The following NCOR2 variants were observed in gnomAD, a reference collection of about 807,000 sequenced individuals.
NCOR2 encodes nuclear receptor corepressor 2.
A neutral mutation model predicts 262.9 loss-of-function variants in NCOR2; 81 were observed. The observed-to-expected ratio is 0.31, with a 90% CI of 0.26 to 0.37. NCOR2 has a LOEUF of 0.37. NCOR2 is among the 10% of genes least tolerant of loss of function. The pLI is 1.00. For synonymous variants in NCOR2, 1,659 were observed against 1,559.3 expected (o/e 1.06, Z -1.51); for missense variants, 3,385 against 3,621.4 (o/e 0.93, Z 1.68).
At chr12:124,400,738 G>T in intron 14 of NCOR2, 65 bp from the exon 17 acceptor site, 1 of 1,578,290 alleles carries the variant, frequency 6.3e-7, no homozygotes, top group African/African-American at 1.4e-5. Context: ...AGCCACTGGA[G>T]GAGACTGTTT....
chr12:124,506,535 G>GCAGGACGAACCCTCCCTGCACTC (rs2049049126), intron 1 of NCOR2, among the ~76,000 whole-genome samples: 1 of 151,088 alleles, frequency 6.6e-6, no homozygotes, highest in Non-Finnish European at 1.5e-5. Flanking sequence ...ATAAACCACA[G>GCAGGACGAACCCTCCCTGCACTC]CAGGACGAAC....
chr12:124,411,798 C>T (rs764980540), intron 13 of NCOR2, among the ~76,000 whole-genome samples: 8 of 152,248 alleles, frequency 5.3e-5, no homozygotes, highest in Non-Finnish European at 1.2e-4. Flanking sequence ...AGAGAGGATG[C>T]TCGGGCCTCA....
intron 20 of NCOR2, among the ~76,000 whole-genome samples, chr12:124,366,142 C>G (rs1205701821): frequency 6.6e-6 from 1 of 152,178 alleles, no homozygotes; most frequent in Non-Finnish European, 1.5e-5. Context: ...CACGTGCCCA[C>G]CACTGCAGCA....
chr12:124,489,742 T>C (rs2047978670), intron 1 of NCOR2, among the ~76,000 whole-genome samples: 1 of 152,126 alleles, frequency 6.6e-6, no homozygotes, highest in African/African-American at 2.4e-5. Flanking sequence ...GAAAAAGCCA[T>C]TCATCCAGGA....
chr12:124,480,780 T>A (rs147750957), intron 3 of NCOR2, among the ~76,000 whole-genome samples: 1,400 of 136,390 alleles, frequency 0.01, 21 homozygotes, highest in African/African-American at 0.035. Context: ...AAGGGCTGAC[T>A]GGGCTCACAG....
intron 3 of NCOR2, among the ~76,000 whole-genome samples, chr12:124,479,337 AAC>A (rs558338761): frequency 3.6e-4 from 54 of 150,860 alleles, no homozygotes; most frequent in South Asian, 2.9e-3. Flanking sequence ...TGCGCACACA[AAC>A]ACACATACAC....
At chr12:124,413,274 C>T (rs1408788348) in intron 13 of NCOR2, among the ~76,000 whole-genome samples, 1 of 152,208 alleles carries the variant, frequency 6.6e-6, no homozygotes, top group Non-Finnish European at 1.5e-5. Flanking sequence ...CCTGTGTCCA[C>T]CTCTGCAGCG....
chr12:124,335,478 C>A lies in NCOR2; in HGVS notation c.6265+5G>T. On this transcript the variant is annotated splice_donor_5th_base_variant and intron_variant, in intron 39 of 46. Coordinates refer to ENST00000405201, the Ensembl canonical transcript of NCOR2. ...TCGGGGGCCTGGGTACTGGGTGGGG[C>A]GTACCTGGCTGCTTGGGCCGCAGCT... 2 of 1,603,208 alleles carry A rather than the reference C, an allele frequency of 1.2e-6. No individual in the cohort carries two copies. Among genetic ancestry groups the A allele is most frequent in the Non-Finnish European group, 1.7e-6 (2 of 1,178,410 alleles).
chr12:124,564,329 G>C (rs1489522461), intron 1 of NCOR2, among the ~76,000 whole-genome samples: 1 of 152,166 alleles, frequency 6.6e-6, no homozygotes, highest in Non-Finnish European at 1.5e-5. Flanking sequence ...CTCTCCCCAG[G>C]CAGCAGCTCA....
chr12:124,465,017 C>T (rs2046349172), intron 5 of NCOR2, among the ~76,000 whole-genome samples: 1 of 152,144 alleles, frequency 6.6e-6, no homozygotes, highest in African/African-American at 2.4e-5. Context: ...GGAGGCATAG[C>T]CAAACAGGTT....
intron 22 of NCOR2, among the ~76,000 whole-genome samples, chr12:124,358,328 GATGT>G (rs2038179152): frequency 6.9e-6 from 1 of 145,060 alleles, no homozygotes; most frequent in Admixed American, 6.9e-5. Context: ...TGAGTGCATG[GATGT>G]GTGTGTGCCT....
In NCOR2 at chr12:124,327,374, G is replaced by T. The variant is rs780145963; in HGVS notation, c.7183+35C>A. On this transcript the variant is annotated intron_variant, in intron 45 of 46. Transcript: ENST00000405201. ...GAGGATTAATCACACCGGGGGTGGG[G>T]ACAGACGGGGGCGGGGCGGGGGTGG... 1.3e-5 allele frequency: 18 copies of T among 1,380,502 alleles called. No individual in the cohort carries two copies. The Admixed American group carries it at 3.7e-4, about 28-fold the overall frequency. The allele number at this position is 1,380,502 out of a possible 1,614,324, so 85.5% of individuals were successfully genotyped here. A position where few individuals can be genotyped will look rare whatever the true frequency, so the allele number is the denominator to read the frequency against.
chr12:124,344,852 CG>C lies in NCOR2; in HGVS notation c.4458del (p.Val1487CysfsTer6). ...TCGGCCATCACATCCAGCGGGTGCACGGGTGGGAACGTCCGGCCGGGGCTGC... is the reference window on the plus strand; with the variant it reads ...TCGGCCATCACATCCAGCGGGTGCACGGTGGGAACGTCCGGCCGGGGCTGC... On this transcript the variant is annotated frameshift_variant, in exon 32 of 47. Coordinates refer to ENST00000405201, the Ensembl canonical transcript of NCOR2. LOFTEE classifies it high-confidence loss of function. The C allele has an allele frequency of 6.4e-7, 1 of 1,570,134 alleles. No homozygotes were observed.
intron 13 of NCOR2, among the ~76,000 whole-genome samples, chr12:124,409,330 T>C (rs954059027): frequency 1.3e-5 from 2 of 152,222 alleles, no homozygotes; most frequent in African/African-American, 4.8e-5. Flanking sequence ...ATGGCCCGCA[T>C]GTTCCTGCTT....
At chr12:124,497,784 A>C (rs1426545345), upstream of NCOR2, among the ~76,000 whole-genome samples, 1 of 152,222 alleles carries the variant, frequency 6.6e-6, no homozygotes, top group African/African-American at 2.4e-5. This position sits in a 1 kb window ranked among gnomAD's most constrained non-coding sequence, Gnocchi z 4.2. Context: ...TGCTGTCACC[A>C]GGACTGTCAA....
intron 16 of NCOR2, among the ~76,000 whole-genome samples, chr12:124,394,530 C>T (rs187732076): frequency 2.0e-5 from 3 of 152,300 alleles, no homozygotes; most frequent in East Asian, 1.9e-4. Context: ...ATCAAGTCAA[C>T]GTGGGGTCAT....
intron 40 of NCOR2, 133 bp downstream of exon 42, chr12:124,335,002 C>G (rs1324954911): frequency 7.4e-6 from 10 of 1,354,274 alleles, no homozygotes; most frequent in Non-Finnish European, 8.3e-6. Flanking sequence ...GCCCTGGATC[C>G]CCCCAGCGCC....
At chr12:124,387,692 C>A (rs1387998287) in intron 16 of NCOR2, among the ~76,000 whole-genome samples, 1 of 152,226 alleles carries the variant, frequency 6.6e-6, no homozygotes, top group African/African-American at 2.4e-5. Flanking sequence ...GATCAAGTGG[C>A]ACCCGGCCCC....
intron 8 of NCOR2, among the ~76,000 whole-genome samples, chr12:124,435,310 T>A (rs2044270571): frequency 6.6e-6 from 1 of 152,240 alleles, no homozygotes; most frequent in Admixed American, 6.5e-5. Context: ...GGGTATCTCT[T>A]AACTTGATAA....
Sources: allele counts gnomAD v4.1 joint callset (sites outside exome capture counted in the v4.1 genomes callset), GRCh38; gene constraint gnomAD v4.1.1; non-coding constraint Gnocchi (gnomAD v3.1); transcripts MANE v1.5; gene names NCBI Gene and HGNC (gene_info 2026-07-23, HGNC 2026-07-21).